The following HNRNPC variants were observed in gnomAD, a reference collection of about 807,000 sequenced individuals.
HNRNPC encodes the protein heterogeneous nuclear ribonucleoprotein C, also known as heterogeneous nuclear ribonucleoproteins C1/C2.
Under a neutral mutation model 33.2 loss-of-function variants are expected in HNRNPC, and 3 were observed. The observed-to-expected ratio is 0.09, with a 90% CI of 0.04 to 0.23. The LOEUF (loss-of-function observed/expected upper bound fraction) is 0.23, where lower values mean the gene tolerates loss of function less well. Ranked by LOEUF, HNRNPC falls within the 10% of genes least tolerant of loss-of-function variation. HNRNPC has a pLI of 1.00. For synonymous variants in HNRNPC, 121 were observed against 126.7 expected, an observed-to-expected ratio of 0.96 and a Z score of 0.30; for missense variants, 143 against 366.7, an observed-to-expected ratio of 0.39 and a Z score of 4.98.
intron 5 of HNRNPC, among the ~76,000 whole-genome samples, chr14:21,216,938 C>T (rs540480253): frequency 6.6e-6 from 1 of 152,146 alleles, no homozygotes; most frequent in South Asian, 2.1e-4. Flanking sequence ...CTAGCTAGTT[C>T]CGTACTATCA....
chr14:21,261,759 A>G (rs1390340230), intron 2 of HNRNPC, among the ~76,000 whole-genome samples: 1 of 152,190 alleles, frequency 6.6e-6, no homozygotes, highest in Non-Finnish European at 1.5e-5. Context: ...TTAAAATAAA[A>G]TCTAATTATC....
intron 3 of HNRNPC, among the ~76,000 whole-genome samples, chr14:21,231,921 G>A (rs1389976276): frequency 6.6e-6 from 1 of 152,272 alleles, no homozygotes; most frequent in Middle Eastern, 3.4e-3. Flanking sequence ...TTAACATAGT[G>A]AAGTGTGACA....
chr14:21,230,759 T>TAGCAAAA (rs1279557680), intron 4 of HNRNPC: 22 of 522,948 alleles, frequency 4.2e-5, no homozygotes, highest in South Asian at 3.1e-4. Flanking sequence ...TTAATATCAA[T>TAGCAAAA]AGCAAAAACC....
intron 2 of HNRNPC, among the ~76,000 whole-genome samples, chr14:21,249,263 C>G (rs530159620): frequency 1.3e-5 from 2 of 151,990 alleles, no homozygotes; most frequent in Non-Finnish European, 2.9e-5. Context: ...AAGAGCAATT[C>G]AGAACTAAAC....
At chr14:21,233,444 C>T (rs560145663) in intron 3 of HNRNPC, among the ~76,000 whole-genome samples, 1 of 152,246 alleles carries the variant, frequency 6.6e-6, no homozygotes, top group South Asian at 2.1e-4. Flanking sequence ...GAAGTTAAAA[C>T]AGACATCTAG....
intron 5 of HNRNPC, among the ~76,000 whole-genome samples, chr14:21,228,738 TGAA>T (rs1457131475): frequency 6.6e-6 from 1 of 151,952 alleles, no homozygotes; most frequent in East Asian, 1.9e-4. Context: ...AAAATAAAAA[TGAA>T]GAATTACAGA....
chr14:21,244,158 G>A (rs141895790), intron 2 of HNRNPC, among the ~76,000 whole-genome samples: 13 of 151,900 alleles, frequency 8.6e-5, no homozygotes, highest in Admixed American at 4.6e-4. Flanking sequence ...CACCACATCC[G>A]GATAATTTTT....
chr14:21,210,301 A>G lies in HNRNPC; in HGVS notation c.*922T>C, dbSNP rs1299638648. ...GCACTGATGAAAAGGCAGAGAGGATATACTTCCCAAACTTTCATTAGGATG... is the reference window on the plus strand; with the variant it reads ...GCACTGATGAAAAGGCAGAGAGGATGTACTTCCCAAACTTTCATTAGGATG... On this transcript the variant is annotated 3_prime_UTR_variant, in exon 9 of 9. Coordinates refer to ENST00000553300, the MANE Select transcript of HNRNPC (RefSeq NM_004500.4). 1 of 152,212 alleles carries G rather than the reference A, an allele frequency of 6.6e-6. No homozygotes were observed. Among genetic ancestry groups the G allele is most frequent in the East Asian group, 1.9e-4 (1 of 5,204 alleles). 9.4% of individuals were successfully genotyped at this position (152,212 alleles called of 1,614,324 possible).
At chr14:21,214,161 GC>G (rs1891909466) in intron 5 of HNRNPC, among the ~76,000 whole-genome samples, 1 of 152,048 alleles carries the variant, frequency 6.6e-6, no homozygotes, top group African/African-American at 2.4e-5. Context: ...TAATGCAAAG[GC>G]CCAGGTACTC....
intron 6 of HNRNPC, 26 bp downstream of exon 6, chr14:21,212,934 A>G: frequency 6.2e-7 from 1 of 1,612,934 alleles, no homozygotes; most frequent in Non-Finnish European, 8.5e-7. Context: ...AGAGATACCA[A>G]AATCACAAAA....
At chr14:21,257,604 A>T (rs572427425) in intron 2 of HNRNPC, among the ~76,000 whole-genome samples, 1 of 151,868 alleles carries the variant, frequency 6.6e-6, no homozygotes, top group Admixed American at 6.6e-5. Context: ...TTACTTTAAG[A>T]GATAGGGTCT....
chr14:21,212,068 C>T (rs1891665583), intron 6 of HNRNPC, 145 bp from the exon 7 acceptor site: 2 of 642,862 alleles, frequency 3.1e-6, no homozygotes, highest in Non-Finnish European at 5.5e-6. Context: ...GTAATAAAGG[C>T]CCTTGGTTCT....
chr14:21,247,959 C>G (rs1434737275), intron 2 of HNRNPC, among the ~76,000 whole-genome samples: 1 of 151,822 alleles, frequency 6.6e-6, no homozygotes, highest in Admixed American at 6.6e-5. Flanking sequence ...CCACTGCACT[C>G]CAGCCTCGGC....
At chr14:21,251,204 T>C (rs1896620132) in intron 2 of HNRNPC, among the ~76,000 whole-genome samples, 1 of 126,266 alleles carries the variant, frequency 7.9e-6, no homozygotes, top group African/African-American at 3.1e-5. Context: ...GAGCTTGCAG[T>C]GAGCCGAGAT....
chr14:21,236,746 G>A (rs939367586), intron 2 of HNRNPC, among the ~76,000 whole-genome samples: 1 of 152,156 alleles, frequency 6.6e-6, no homozygotes, highest in Admixed American at 6.5e-5. Context: ...GGACGATACT[G>A]TAACACAAAG....
At chr14:21,239,818 G>T (rs570711433) in intron 2 of HNRNPC, among the ~76,000 whole-genome samples, 1 of 151,792 alleles carries the variant, frequency 6.6e-6, no homozygotes, top group African/African-American at 2.4e-5. Context: ...AGGTTGCAGC[G>T]AGCCAAGATC....
intron 5 of HNRNPC, among the ~76,000 whole-genome samples, chr14:21,214,577 C>CAA (rs201916399): frequency 6.7e-6 from 1 of 149,194 alleles, no homozygotes; most frequent in Admixed American, 6.9e-5. Context: ...AACACTGTCT[C>CAA]AAAAAAAAAG....
chr14:21,244,774 T>C (rs1370540511), intron 2 of HNRNPC, among the ~76,000 whole-genome samples: 1 of 152,160 alleles, frequency 6.6e-6, no homozygotes, highest in Non-Finnish European at 1.5e-5. Context: ...GTATAGCCTA[T>C]TGCTCCCAGA....
chr14:21,224,994 G>A (rs1234016566), intron 5 of HNRNPC, among the ~76,000 whole-genome samples: 1 of 152,114 alleles, frequency 6.6e-6, no homozygotes, highest in Non-Finnish European at 1.5e-5. Flanking sequence ...TCCTCAGAAA[G>A]ACCATTGAAC....
Sources: allele counts gnomAD v4.1 joint callset (sites outside exome capture counted in the v4.1 genomes callset), GRCh38; gene constraint gnomAD v4.1.1; transcripts MANE v1.5; gene names NCBI Gene and HGNC (gene_info 2026-07-23, HGNC 2026-07-21).